The following ESRP1 variants were observed in gnomAD, a reference collection of about 807,000 sequenced individuals.
The protein encoded by ESRP1 is RNA-binding motif protein 35A.
A neutral mutation model predicts 81.7 loss-of-function variants in ESRP1; 33 were observed. The ratio of observed to expected loss-of-function variants is 0.40; its 90% CI spans 0.31 to 0.54. ESRP1 has a LOEUF of 0.54. Among genes scored for constraint, ESRP1 ranks in the 20% least tolerant of loss-of-function variants. ESRP1 has a pLI of 0.41. For missense variants in ESRP1, 672 were observed against 833.1 expected (o/e 0.81, Z 2.38); for synonymous variants, 320 against 303.3 (o/e 1.06, Z -0.57).
intron 4 of ESRP1, among the ~76,000 whole-genome samples, chr8:94,660,481 A>C (rs971677222): frequency 3.0e-4 from 45 of 151,852 alleles, no homozygotes; most frequent in Admixed American, 7.9e-4. Flanking sequence ...GCTCACGCCT[A>C]TAATCCCAGC....
intron 4 of ESRP1, among the ~76,000 whole-genome samples, chr8:94,652,545 G>A (rs1818197077): frequency 6.6e-6 from 1 of 151,944 alleles, no homozygotes; most frequent in African/African-American, 2.4e-5. Flanking sequence ...CTGCTGAAAG[G>A]ACATTTGTGT....
At chr8:94,705,735 G>C in intron 15 of ESRP1, 190 bp from the exon 16 acceptor site, 1 of 574,278 alleles carries the variant, frequency 1.7e-6, no homozygotes, top group Non-Finnish European at 3.1e-6. Context: ...TCCTTGGCTA[G>C]TGCTGTACTC....
intron 14 of ESRP1, among the ~76,000 whole-genome samples, chr8:94,694,717 C>T (rs1476576906): frequency 1.3e-5 from 2 of 152,246 alleles, no homozygotes; most frequent in Non-Finnish European, 2.9e-5. Context: ...ATTTAGATAA[C>T]ATAACTTCAG....
At chr8:94,689,249 C>CAAAAAAA (rs56220336) in intron 13 of ESRP1, among the ~76,000 whole-genome samples, 1 of 98,846 alleles carries the variant, frequency 1.0e-5, no homozygotes, top group Non-Finnish European at 2.0e-5. Flanking sequence ...ACTCAGTCTC[C>CAAAAAAA]AAAAAAAAAA....
chr8:94,696,828 T>G, intron 14 of ESRP1, 24 bp from the exon 15 acceptor site: 2 of 1,526,326 alleles, frequency 1.3e-6, no homozygotes, highest in Non-Finnish European at 1.8e-6. Flanking sequence ...CTTTTGATCT[T>G]GTTTGTTTTA....
At chr8:94,692,435 G>A (rs1809440258) in intron 13 of ESRP1, among the ~76,000 whole-genome samples, 1 of 152,036 alleles carries the variant, frequency 6.6e-6, no homozygotes, top group South Asian at 2.1e-4. Context: ...AAGAATCTCA[G>A]GGATGTGAGG....
rs1407072102 is a variant in ESRP1 at position 94,664,705 on chromosome 8, T to A, written c.653T>A (p.Met218Lys). The A allele has an allele frequency of 3.7e-6, 6 of 1,613,684 alleles. No individual in the cohort carries two copies. The highest frequency in any genetic ancestry group is 8.5e-7 in the Non-Finnish European group (1 of 1,179,610). ...YKFESGTCSK[M>K]ELIDDNTVVR... ...TTTTGCTTCATCCACAGCAGCAAGA[T>A]GGAACTTATTGATGATAACACCGTA... The change falls in exon 7 of 16, where the codon ATG (methionine) becomes AAG (lysine). Residue 218 changes from methionine to lysine, a missense_variant. Met to Lys is a moderately conservative substitution (Grantham distance 95). Transcript: ENST00000433389.
intron 15 of ESRP1, 22 bp from the exon 16 acceptor site, chr8:94,705,903 C>CTTTTTTT (rs55760931): frequency 4.4e-6 from 6 of 1,369,060 alleles, no homozygotes; most frequent in South Asian, 4.3e-5. Context: ...CTTTTATTCA[C>CTTTTTTT]TTTTTTTTTT....
chr8:94,676,494 G>T (rs1043942329), intron 12 of ESRP1, among the ~76,000 whole-genome samples: 12 of 150,868 alleles, frequency 8.0e-5, no homozygotes, highest in African/African-American at 2.2e-4. Flanking sequence ...TGCATGTGTG[G>T]TTTTTTTTTG....
At position 94,705,909 on chromosome 8, in the gene ESRP1, T is replaced by A; in HGVS notation, c.*36-16T>A. On this transcript the variant is annotated splice_polypyrimidine_tract_variant and intron_variant, in intron 15 of 15. Transcript: ENST00000433389. ...TAACATTTCCTTTTATTCACTTTTT[T>A]TTTTTTTTTTTTCAGTGTTTGAAAG... is the stretch of plus-strand genomic sequence containing the variant. The A allele has an allele frequency of 7.1e-7, 1 of 1,410,044 alleles. No individual in the cohort carries two copies. The highest frequency in any genetic ancestry group is 9.5e-7 in the Non-Finnish European group (1 of 1,054,666). The allele number at this position is 1,410,044 out of a possible 1,614,324, so 87.3% of individuals were successfully genotyped here.
At chr8:94,662,446 T>A in intron 5 of ESRP1, 55 bp from the exon 6 acceptor site, 1 of 1,559,934 alleles carries the variant, frequency 6.4e-7, no homozygotes, top group South Asian at 1.2e-5. Context: ...AATTTCCTCC[T>A]ACAACTTTGT....
At chr8:94,700,114 A>G (rs1809762926) in intron 15 of ESRP1, among the ~76,000 whole-genome samples, 1 of 152,220 alleles carries the variant, frequency 6.6e-6, no homozygotes, top group South Asian at 2.1e-4. Context: ...CAAGCTAACA[A>G]AAAGATCCAG....
chr8:94,691,086 A>G (rs764088988), intron 13 of ESRP1, among the ~76,000 whole-genome samples: 1 of 152,228 alleles, frequency 6.6e-6, no homozygotes, highest in Non-Finnish European at 1.5e-5. Context: ...TCCTACTCAG[A>G]CCAAAAGTTT....
intron 4 of ESRP1, chr8:94,649,633 C>T (rs1318069734): frequency 2.6e-5 from 4 of 152,302 alleles, no homozygotes; most frequent in East Asian, 1.9e-4. Flanking sequence ...CTGCCTCAGC[C>T]GCCCAGGTAG....
In ESRP1 at chr8:94,701,611, C is replaced by CT. The variant is rs886354551; in HGVS notation, c.*36-4306dup. Among the ~76,000 whole-genome samples, 29 of 146,950 alleles carry CT rather than the reference C, an allele frequency of 2.0e-4. 1 individual carries two copies. Among genetic ancestry groups the CT allele is most frequent in the Admixed American group, 4.1e-4 (6 of 14,744 alleles). ...TTCTTTTTCTTTTTCTTTTTTTTTT[C>CT]TTTTTTTTGTCCCCATAGAGACAAG... is the stretch of plus-strand genomic sequence containing the variant. On this transcript the variant is annotated intron_variant, in intron 15 of 15. Transcript: ENST00000433389.
chr8:94,650,263 GT>G (rs137931621), intron 4 of ESRP1, among the ~76,000 whole-genome samples: 18,181 of 135,092 alleles, frequency 0.13, 1,402 homozygotes, highest in Admixed American at 0.22. Context: ...TGTTTGTTTT[GT>G]TTTTTTTTAC....
chr8:94,686,266 G>T (rs1809136924), intron 13 of ESRP1, among the ~76,000 whole-genome samples: 1 of 152,212 alleles, frequency 6.6e-6, no homozygotes, highest in Admixed American at 6.5e-5. Context: ...ATTAAGTGCT[G>T]CAGTGGAGGA....
chr8:94,641,861 G>A lies in ESRP1; in HGVS notation c.133-95G>A, dbSNP rs185309511. The A allele has an allele frequency of 7.4e-3, 11,518 of 1,547,440 alleles. 53 individuals are homozygous for A. Among genetic ancestry groups the A allele is most frequent in the Non-Finnish European group, 8.1e-3 (9,354 of 1,148,234 alleles). On this transcript the variant is annotated intron_variant, in intron 1 of 15. Transcript: ENST00000433389. Reference sequence around the variant, plus strand: ...GATTCTGCGTCCGGACCCCAAGAGAGGCGCGGGCCGCCCCAGCAGGGGAGC... The same window carrying A: ...GATTCTGCGTCCGGACCCCAAGAGAAGCGCGGGCCGCCCCAGCAGGGGAGC...
Position 94,698,071 on chromosome 8 carries a change from G to A in ESRP1, c.*35+1110G>A, listed in dbSNP as rs1374879369. The stretch of plus-strand genomic sequence containing the variant: ...GCTGGGATTATAGGCGTGAGCCACC[G>A]TGCCCAGCCTGTTTCCTCTTTTAAA... On this transcript the variant is annotated intron_variant, in intron 15 of 15. Coordinates refer to ENST00000433389, the MANE Select transcript of ESRP1 (RefSeq NM_017697.4). 7.2e-5 allele frequency among the ~76,000 whole-genome samples: 11 copies of A among 152,098 alleles called. No individual in the cohort carries two copies. The South Asian group carries it at 1.4e-3, about 20-fold the overall frequency.
Sources: allele counts gnomAD v4.1 joint callset (sites outside exome capture counted in the v4.1 genomes callset), GRCh38; gene constraint gnomAD v4.1.1; transcripts MANE v1.5; gene names NCBI Gene and HGNC (gene_info 2026-07-23, HGNC 2026-07-21).